Variants in FREM2 observed in about 807,000 individuals in gnomAD.
The protein encoded by FREM2 is FRAS1-related extracellular matrix protein 2.
In FREM2, 119 loss-of-function variants were observed where a neutral mutation model predicts 219.9. The ratio of observed to expected loss-of-function variants is 0.54; its 90% CI spans 0.47 to 0.63. FREM2 has a LOEUF of 0.63. Ranked by LOEUF, FREM2 falls within the 30% of genes least tolerant of loss-of-function variation. The pLI is 0.00. For missense variants in FREM2, 4,030 were observed against 3,993.6 expected (o/e 1.01, Z -0.25); for synonymous variants, 1,562 against 1,522.8 (o/e 1.03, Z -0.60).
In FREM2 at chr13:38,876,083, C is replaced by T; in HGVS notation, c.8343C>T (p.Arg2781=). Residue 2781 remains arginine (R), a synonymous_variant, in exon 19 of 24, where the codon CGC becomes CGT. Coordinates refer to ENST00000280481, the MANE Select transcript of FREM2 (RefSeq NM_207361.6). The part of the protein sequence containing the change: ...ADHPGLTFSL[R]LIRSEPTYNQ... ...ATCCAGGCCTGACATTTTCCCTCCG[C>T]CTCATAAGGAGTGAACCAACCTATA... 6.2e-7 allele frequency: 1 copy of T among 1,614,054 alleles called. No homozygotes were observed. The highest frequency in any genetic ancestry group is 8.5e-7 in the Non-Finnish European group (1 of 1,179,918).
intron 4 of FREM2, among the ~76,000 whole-genome samples, chr13:38,775,450 A>G (rs1474643899): frequency 1.3e-5 from 2 of 152,204 alleles, no homozygotes; most frequent in East Asian, 3.8e-4. Flanking sequence ...GCAAACAAAA[A>G]ATTTCAAACA....
chr13:38,763,355 C>T (rs188175266), intron 2 of FREM2, among the ~76,000 whole-genome samples: 15 of 149,362 alleles, frequency 1.0e-4, no homozygotes, highest in Non-Finnish European at 1.8e-4. Flanking sequence ...TTTTTTTTGT[C>T]GTCTATTAAA....
chr13:38,842,441 G>T (rs1018155584), intron 6 of FREM2, among the ~76,000 whole-genome samples: 1 of 152,192 alleles, frequency 6.6e-6, no homozygotes, highest in Admixed American at 6.5e-5. Flanking sequence ...TGACCCTGTG[G>T]ATTCCGTTAT....
At position 38,881,129 on chromosome 13, in the gene FREM2, G is replaced by A. The variant is rs9603463; in HGVS notation, c.*342G>A. 125,907 of 355,180 alleles carry A rather than the reference G, an allele frequency of 0.35. 23,465 individuals are homozygous for A. Among genetic ancestry groups the A allele is most frequent in the East Asian group, 0.49 (7,474 of 15,122 alleles). 22.0% of individuals were successfully genotyped at this position (355,180 alleles called of 1,614,324 possible). ...CTAACAGACTCTCTTACAAGTGTAAGAGGAATCTACTGTTGCTATGTTAGT... is the reference window on the plus strand; with the variant it reads ...CTAACAGACTCTCTTACAAGTGTAAAAGGAATCTACTGTTGCTATGTTAGT... On this transcript the variant is annotated 3_prime_UTR_variant, in exon 24 of 24. Transcript: ENST00000280481.
intron 2 of FREM2, among the ~76,000 whole-genome samples, chr13:38,736,593 C>A (rs889964055): frequency 6.6e-5 from 10 of 152,122 alleles, no homozygotes. Context: ...GTCAGGTATG[C>A]AGCAAGATCT....
In FREM2 at chr13:38,859,617, G is replaced by C. The variant is rs746377338; in HGVS notation, c.7519+27G>C. The C allele has an allele frequency of 1.9e-6, 3 of 1,599,570 alleles. No individual in the cohort carries two copies. In the South Asian group the frequency reaches 3.3e-5, roughly 18 times the overall value. On this transcript the variant is annotated intron_variant, in intron 14 of 23. Transcript: ENST00000280481. ...TCAGTCATTGCCATTTTCCCCTGAA[G>C]ATCACTGGAATACTGTGCAATATTA...
intron 6 of FREM2, among the ~76,000 whole-genome samples, chr13:38,809,068 T>A (rs979945806): frequency 4.0e-5 from 6 of 151,894 alleles, no homozygotes; most frequent in Non-Finnish European, 8.8e-5. Flanking sequence ...TCCATAGGCT[T>A]TATTTTTTCA....
Position 38,690,033 on chromosome 13 carries a change from C to A in FREM2, c.2689C>A (p.Gln897Lys). Residue 897 changes from glutamine to lysine, a missense_variant, in exon 1 of 24, where the codon CAG (glutamine) becomes AAG (lysine). By Grantham distance (53) the Gln-to-Lys change is moderately conservative. Coordinates refer to ENST00000280481, the MANE Select transcript of FREM2 (RefSeq NM_207361.6). Reference protein sequence around the residue: ...GGLFHLEDIKQGRVSYAHNGD... With the variant: ...GGLFHLEDIKKGRVSYAHNGD... The stretch of plus-strand genomic sequence containing the variant: ...TCTCTTCCACTTGGAGGACATAAAA[C>A]AGGGCCGAGTTTCCTATGCCCATAA... The A allele has an allele frequency of 1.2e-6, 2 of 1,613,936 alleles. No individual in the cohort carries two copies. Among genetic ancestry groups the A allele is most frequent in the Non-Finnish European group, 1.7e-6 (2 of 1,180,018 alleles).
At position 38,876,081 on chromosome 13, in the gene FREM2, C is replaced by T. The variant is rs144909334; in HGVS notation, c.8341C>T (p.Arg2781Cys). 2.5e-5 allele frequency: 40 copies of T among 1,613,894 alleles called. No homozygotes were observed. Among genetic ancestry groups the T allele is most frequent in the Non-Finnish European group, 3.0e-5 (35 of 1,179,932 alleles). ...TCATCCAGGCCTGACATTTTCCCTC[C>T]GCCTCATAAGGAGTGAACCAACCTA... ...ADHPGLTFSL[R>C]LIRSEPTYNQ... Residue 2781 changes from arginine (R) to cysteine (C), a missense_variant, in exon 19 of 24, where the codon CGC becomes TGC. Around this residue, in one of 2 missense-constraint regions of FREM2, gnomAD observed 928 missense variants for 1,042.9 expected, o/e 0.89. Transcript: ENST00000280481.
intron 2 of FREM2, among the ~76,000 whole-genome samples, chr13:38,735,047 G>A (rs1244584615): frequency 6.6e-6 from 1 of 152,034 alleles, no homozygotes; most frequent in African/African-American, 2.4e-5. Flanking sequence ...CGCCCAGCCA[G>A]TGCTATACAT....
At chr13:38,846,297 C>T (rs1234633919) in intron 6 of FREM2, among the ~76,000 whole-genome samples, 1 of 151,868 alleles carries the variant, frequency 6.6e-6, no homozygotes, top group East Asian at 1.9e-4. Flanking sequence ...CTTTTAGAAG[C>T]CACTTATAAT....
intron 6 of FREM2, among the ~76,000 whole-genome samples, chr13:38,843,392 A>G (rs146248195): frequency 6.6e-6 from 1 of 152,214 alleles, no homozygotes; most frequent in East Asian, 1.9e-4. Flanking sequence ...CTGATCTACA[A>G]AGATCTTCAG....
chr13:38,754,879 TGA>T lies in FREM2; in HGVS notation c.5264-9424_5264-9423del, dbSNP rs1291789121. Among the ~76,000 whole-genome samples the T allele has an allele frequency of 8.9e-3, 744 of 83,638 alleles. 2 individuals are homozygous for T. Among genetic ancestry groups the T allele is most frequent in the Admixed American group, 0.011 (74 of 7,022 alleles). 54.9% of individuals were successfully genotyped at this position (83,638 alleles called of 152,430 possible). The stretch of plus-strand genomic sequence containing the variant: ...GTCAAGATGATGATGATGATGATGA[TGA>T]TGATGATGATGATGATGATGATTAT... On this transcript the variant is annotated intron_variant, in intron 2 of 23. Coordinates refer to ENST00000280481, the MANE Select transcript of FREM2 (RefSeq NM_207361.6).
chr13:38,842,437 T>C (rs11618742), intron 6 of FREM2, among the ~76,000 whole-genome samples: 18,793 of 152,138 alleles, frequency 0.12, 1,405 homozygotes, highest in Admixed American at 0.21. Flanking sequence ...GAGGTGACCC[T>C]GTGGATTCCG....
At position 38,883,534 on chromosome 13, in the gene FREM2, A is replaced by C. The variant is rs967868768; in HGVS notation, c.*2747A>C. The C allele has an allele frequency of 3.9e-5, 6 of 152,204 alleles. No homozygotes were observed. The highest frequency in any genetic ancestry group is 9.6e-5 in the African/African-American group (4 of 41,454). 9.4% of individuals were successfully genotyped at this position (152,204 alleles called of 1,614,324 possible). A position where few individuals can be genotyped will look rare whatever the true frequency, so the allele number is the denominator to read the frequency against. ...TATTATTCAAGTGGCTCTTCTAAGC[A>C]TGTGAATCATGAAGCACTGAAATAT... On this transcript the variant is annotated 3_prime_UTR_variant, in exon 24 of 24. Coordinates refer to ENST00000280481, the MANE Select transcript of FREM2 (RefSeq NM_207361.6).
At chr13:38,745,813 T>C (rs1872457444) in intron 2 of FREM2, among the ~76,000 whole-genome samples, 1 of 152,194 alleles carries the variant, frequency 6.6e-6, no homozygotes, top group Admixed American at 6.5e-5. Flanking sequence ...TAATTATCAC[T>C]ATTCTGCCTA....
At chr13:38,807,182 G>T (rs1875263453) in intron 6 of FREM2, among the ~76,000 whole-genome samples, 1 of 35,226 alleles carries the variant, frequency 2.8e-5, no homozygotes, top group Non-Finnish European at 7.6e-5. Context: ...CAGAGATCTT[G>T]TCTCTGTTAT....
chr13:38,827,124 T>G (rs566792552), intron 6 of FREM2, among the ~76,000 whole-genome samples: 1 of 152,172 alleles, frequency 6.6e-6, no homozygotes, highest in Non-Finnish European at 1.5e-5. Context: ...TTAATTTTTT[T>G]ACAGTACAGA....
At chr13:38,819,370 G>T (rs1167521019) in intron 6 of FREM2, among the ~76,000 whole-genome samples, 1 of 152,058 alleles carries the variant, frequency 6.6e-6, no homozygotes, top group Admixed American at 6.6e-5. Context: ...AAAGGCAAAG[G>T]CTCCAAACTT....
Sources: allele counts gnomAD v4.1 joint callset (sites outside exome capture counted in the v4.1 genomes callset), GRCh38; gene constraint gnomAD v4.1.1; regional missense constraint gnomAD v4.1.1; transcripts MANE v1.5; gene names NCBI Gene and HGNC (gene_info 2026-07-23, HGNC 2026-07-21).